Variants in QRICH2 observed in about 807,000 individuals in gnomAD.
The protein encoded by QRICH2 is glutamine-rich protein 2.
In QRICH2, 119 loss-of-function variants were observed where a neutral mutation model predicts 168.3. The observed-to-expected ratio is 0.71, with a 90% CI of 0.61 to 0.82. QRICH2 has a LOEUF of 0.82. Among genes scored for constraint, QRICH2 ranks in the 40% least tolerant of loss-of-function variants. The probability of loss-of-function intolerance (pLI) is 0.00; values close to 1 mark genes in which losing one functional copy is unlikely to be tolerated. For missense variants in QRICH2, 2,241 were observed against 2,491.6 expected, an observed-to-expected ratio of 0.90 and a Z score of 2.14; for synonymous variants, 894 against 951.2, an observed-to-expected ratio of 0.94 and a Z score of 1.11.
chr17:76,276,776 GTGAA>G lies in QRICH2; in HGVS notation c.5266-13_5266-10del. On this transcript the variant is annotated splice_polypyrimidine_tract_variant and intron_variant, in intron 16 of 18. Transcript: ENST00000680821. ...ATGTCCACCTCATCATGCTGTAGAA[GTGAA>G]CAGATACCGTCGCCACTGTAGCAGC... The G allele has an allele frequency of 6.2e-7, 1 of 1,606,718 alleles. No homozygotes were observed. The highest frequency in any genetic ancestry group is 8.5e-7 in the Non-Finnish European group (1 of 1,176,166).
intron 3 of QRICH2, among the ~76,000 whole-genome samples, chr17:76,302,542 G>T (rs2070924233): frequency 6.6e-6 from 1 of 152,192 alleles, no homozygotes. Context: ...GGTGGATGCA[G>T]TGATGAAGTC....
chr17:76,307,592 T>G lies in QRICH2; in HGVS notation c.407A>C (p.Gln136Pro). The G allele has an allele frequency of 6.4e-7, 1 of 1,555,912 alleles. No individual in the cohort carries two copies. The highest frequency in any genetic ancestry group is 8.7e-7 in the Non-Finnish European group (1 of 1,149,576). Residue 136 changes from glutamine (Q) to proline (P), a missense_variant, in exon 1 of 19, where the codon CAG (glutamine) becomes CCG (proline). By Grantham distance (76) the Gln-to-Pro change is moderately conservative. This residue lies in a region of QRICH2 where 2,047 missense variants were observed against 2,303.8 expected (regional missense o/e 0.89). Transcript: ENST00000680821. The surrounding 1 kb of genome is among the most constrained non-coding windows in gnomAD (Gnocchi z 5.3). ...GIATHVQHFS[Q>P]ASGLDLAALE... ...CGCGGCCAGGTCAAGCCCGCTGGCCTGGGAGAAGTGCTGCACGTGCGTGGC... is the reference window on the plus strand; with the variant it reads ...CGCGGCCAGGTCAAGCCCGCTGGCCGGGGAGAAGTGCTGCACGTGCGTGGC...
At chr17:76,282,498 G>A (rs921705793) in intron 7 of QRICH2, among the ~76,000 whole-genome samples, 1 of 152,182 alleles carries the variant, frequency 6.6e-6, no homozygotes, top group Non-Finnish European at 1.5e-5. Context: ...CCCAGGCTCT[G>A]GGGCTGTGAG....
Position 76,292,755 on chromosome 17 carries a change from C to G in QRICH2, c.1972G>C (p.Gly658Arg), listed in dbSNP as rs747777580. 6.2e-7 allele frequency: 1 copy of G among 1,610,648 alleles called. No individual in the cohort carries two copies. Residue 658 changes from glycine to arginine, a missense_variant, in exon 4 of 19, where the codon GGT becomes CGT. Gly to Arg is a moderately radical substitution (Grantham distance 125). This residue lies in a region of QRICH2 where 2,047 missense variants were observed against 2,303.8 expected (regional missense o/e 0.89). Coordinates refer to ENST00000680821, the MANE Select transcript of QRICH2 (RefSeq NM_001388453.1). ...TCTACACCAGGCTGTACCAAGACAC[C>G]CTGACCTGTGCCAGATTGGACCAAA... Reference protein sequence around the residue: ...HDLVQSGTGQGVLVQPGVDQP... With the variant: ...HDLVQSGTGQRVLVQPGVDQP...
intron 3 of QRICH2, among the ~76,000 whole-genome samples, chr17:76,303,056 G>A (rs898319616): frequency 6.6e-6 from 1 of 151,906 alleles, no homozygotes; most frequent in African/African-American, 2.4e-5. Context: ...CCTAATTTTT[G>A]TATTTTTGGT....
chr17:76,279,072 C>T lies in QRICH2; in HGVS notation c.4885G>A (p.Glu1629Lys), dbSNP rs758662695. The change falls in exon 14 of 19, where the codon GAA becomes AAA. Residue 1629 changes from glutamate (E) to lysine (K), a missense_variant. By Grantham distance (56) the Glu-to-Lys change is moderately conservative. Around this residue, in one of 3 missense-constraint regions of QRICH2, gnomAD observed 2,047 missense variants for 2,303.8 expected, o/e 0.89. Coordinates refer to ENST00000680821, the MANE Select transcript of QRICH2 (RefSeq NM_001388453.1). Reference sequence around the variant, plus strand: ...CTATGCTGCCGGACCTGCTCCAGTTCAAACACCGTGTAGGGGCGGATGGAA... The same window carrying T: ...CTATGCTGCCGGACCTGCTCCAGTTTAAACACCGTGTAGGGGCGGATGGAA... Reference protein sequence around the residue: ...HHSIRPYTVFELEQVRQHSRN... With the variant: ...HHSIRPYTVFKLEQVRQHSRN... 2 of 1,614,004 alleles carry T rather than the reference C, an allele frequency of 1.2e-6. No homozygotes were observed. The highest frequency in any genetic ancestry group is 1.7e-6 in the Non-Finnish European group (2 of 1,180,032).
Position 76,291,105 on chromosome 17 carries a change from C to T in QRICH2, c.3622G>A (p.Val1208Met), listed in dbSNP as rs368235536. ...TCCTTCATACTCTCCTTTAGCCCCA[C>T]ATAGAGGCTACTGAGCTCTCCCATC... The part of the protein sequence containing the change: ...HLMGELSSLY[V>M]GLKESMKDLD... The change falls in exon 4 of 19, where the codon GTG (valine) becomes ATG (methionine). Residue 1208 changes from valine to methionine, a missense_variant. Coordinates refer to ENST00000680821, the MANE Select transcript of QRICH2 (RefSeq NM_001388453.1). The T allele has an allele frequency of 5.1e-5, 82 of 1,614,134 alleles. No individual in the cohort carries two copies. The Admixed American group carries it at 8.0e-4, about 16-fold the overall frequency.
At chr17:76,301,238 C>T (rs1477393867) in intron 3 of QRICH2, among the ~76,000 whole-genome samples, 9 of 150,834 alleles carry the variant, frequency 6.0e-5, no homozygotes, top group Non-Finnish European at 1.2e-4. Context: ...CTTTAACATG[C>T]CCTAACATTA....
At chr17:76,295,073 CAAATAAATAAATAAATAAAT>C (rs201787948) in intron 3 of QRICH2, among the ~76,000 whole-genome samples, 1 of 143,202 alleles carries the variant, frequency 7.0e-6, no homozygotes, top group Admixed American at 7.2e-5. Context: ...CTACTAAAAA[CAAATAAATAAATAAATAAAT>C]AAATAAATAA....
chr17:76,275,772 G>A (rs1249416914), intron 18 of QRICH2, 47 bp downstream of exon 18: 1 of 1,591,162 alleles, frequency 6.3e-7, no homozygotes, highest in Non-Finnish European at 8.5e-7. Flanking sequence ...GGGCCGGCAG[G>A]GCCAGCGGGG....
rs760652359 is a variant in QRICH2, at chr17:76,293,526, C to T, written c.1201G>A (p.Gly401Arg). The change falls in exon 4 of 19, where the codon GGA (glycine) becomes AGA (arginine). Residue 401 changes from glycine (G) to arginine (R), a missense_variant. By Grantham distance (125) the Gly-to-Arg change is moderately radical. Coordinates refer to ENST00000680821, the MANE Select transcript of QRICH2 (RefSeq NM_001388453.1). ...GLEPTGMNQP[G>R]LVPASTYPHG... is the part of the protein sequence containing the mutation. ...GGGTAAGTGCTAGCAGGCACTAATCCAGGCTGATTCATGCCAGTTGGTTCT... is the reference window on the plus strand; with the variant it reads ...GGGTAAGTGCTAGCAGGCACTAATCTAGGCTGATTCATGCCAGTTGGTTCT... 2 of 1,614,066 alleles carry T rather than the reference C, an allele frequency of 1.2e-6. No homozygotes were observed. Among genetic ancestry groups the T allele is most frequent in the Non-Finnish European group, 1.7e-6 (2 of 1,180,038 alleles).
chr17:76,308,407 GCCT>G, upstream of QRICH2: 4 of 985,238 alleles, frequency 4.1e-6, no homozygotes, highest in Non-Finnish European at 4.8e-6. Flanking sequence ...GGCTGAGGAG[GCCT>G]CCTAAGATCC....
chr17:76,286,608 T>C (rs1435053797), intron 7 of QRICH2, among the ~76,000 whole-genome samples: 2 of 152,128 alleles, frequency 1.3e-5, no homozygotes, highest in African/African-American at 2.4e-5. Context: ...AAAACTACCT[T>C]ATTCAATTTA....
chr17:76,304,447 C>T lies in QRICH2; in HGVS notation c.673G>A (p.Ala225Thr), dbSNP rs1347504115. ...TMVTWEELEQ[A>T]ITDGWRASQA... ...GAGGCTCTCCAGCCGTCCGTAATCGCCTGCTCCAGCTCTTCCCAGGTGACC... is the reference window on the plus strand; with the variant it reads ...GAGGCTCTCCAGCCGTCCGTAATCGTCTGCTCCAGCTCTTCCCAGGTGACC... The change falls in exon 3 of 19, where the codon GCG becomes ACG. Residue 225 changes from alanine (A) to threonine (T), a missense_variant. By Grantham distance (58) the Ala-to-Thr change is moderately conservative. Around this residue, in one of 3 missense-constraint regions of QRICH2, gnomAD observed 2,047 missense variants for 2,303.8 expected, o/e 0.89. Transcript: ENST00000680821. 1 of 1,613,774 alleles carries T rather than the reference C, an allele frequency of 6.2e-7. No individual in the cohort carries two copies. The highest frequency in any genetic ancestry group is 2.2e-5 in the East Asian group (1 of 44,880).
rs911583751 is a variant in QRICH2 at position 76,292,695 on chromosome 17, G to A, written c.2032C>T (p.Arg678Cys). ...TATGCACCAGGCTGCACCAAAGCACGCTGAAATCTGCCAGGTTGGACCATG... is the reference window on the plus strand; with the variant it reads ...TATGCACCAGGCTGCACCAAAGCACACTGAAATCTGCCAGGTTGGACCATG... ...PGMVQPGRFQ[R>C]ALVQPGAYQP... Residue 678 changes from arginine (R) to cysteine (C), a missense_variant, in exon 4 of 19, where the codon CGT becomes TGT. Physicochemically the swap from Arg to Cys is radical, Grantham distance 180. This residue lies in a region of QRICH2 where 2,047 missense variants were observed against 2,303.8 expected (regional missense o/e 0.89). Transcript: ENST00000680821. The A allele has an allele frequency of 1.2e-5, 20 of 1,613,416 alleles. No homozygotes were observed. Among genetic ancestry groups the A allele is most frequent in the East Asian group, 6.7e-5 (3 of 44,882 alleles).
rs759856315 is a variant in QRICH2, at chr17:76,293,896, A to G, written c.831T>C (p.Ser277=). The G allele has an allele frequency of 4.3e-6, 7 of 1,614,122 alleles. No homozygotes were observed. In the East Asian group the frequency reaches 1.1e-4, roughly 26 times the overall value. The change falls in exon 4 of 19, where the codon AGT becomes AGC. Residue 277 remains serine, a synonymous_variant. Transcript: ENST00000680821. The part of the protein sequence containing the change: ...PSIEQALDSA[S]GLGPDRTASG... ...ATGCAGTCCGATCCGGGCCAAGACC[A>G]CTGGCAGAATCCAGAGCCTGCTCAA...
Position 76,292,024 on chromosome 17 carries a change from C to T in QRICH2, c.2703G>A (p.Leu901=). Residue 901 remains leucine, a synonymous_variant, in exon 4 of 19, where the codon TTG becomes TTA. Transcript: ENST00000680821. ...LIQPGADQPG[L]VQPGAGQLGM... Reference sequence around the variant, plus strand: ...CCAGCTGACCTGCACCAGGCTGGACCAAACCAGGCTGATCTGCACCAGGTT... The same window carrying T: ...CCAGCTGACCTGCACCAGGCTGGACTAAACCAGGCTGATCTGCACCAGGTT... The T allele has an allele frequency of 6.2e-7, 1 of 1,614,248 alleles. No individual in the cohort carries two copies.
chr17:76,277,127 G>A, intron 16 of QRICH2, 36 bp downstream of exon 16: 3 of 1,512,922 alleles, frequency 2.0e-6, no homozygotes, highest in Non-Finnish European at 2.6e-6. Context: ...CCATGTCAGG[G>A]CCTCCCTCCC....
upstream of QRICH2, chr17:76,308,281 CGTG>C: frequency 1.0e-6 from 1 of 985,402 alleles, no homozygotes; most frequent in Non-Finnish European, 1.2e-6. Context: ...ACGTTTGAAA[CGTG>C]GGGGCCCCCG....
Sources: allele counts gnomAD v4.1 joint callset (sites outside exome capture counted in the v4.1 genomes callset), GRCh38; gene constraint gnomAD v4.1.1; regional missense constraint gnomAD v4.1.1; non-coding constraint Gnocchi (gnomAD v3.1); transcripts MANE v1.5; gene names NCBI Gene and HGNC (gene_info 2026-07-23, HGNC 2026-07-21).